MCM8: variants seen among roughly 807,000 people sequenced by gnomAD.
MCM8 encodes DNA helicase MCM8.
MCM8 carries 85 observed loss-of-function variants against 98.9 expected under a neutral mutation model. That is an observed-to-expected ratio of 0.86 (90% CI 0.72 to 1.03). MCM8 has a LOEUF of 1.03. Ranked by LOEUF, MCM8 falls within the 50% of genes least tolerant of loss-of-function variation. The pLI, the probability that MCM8 is intolerant of heterozygous loss-of-function variation, is 0.00. For synonymous variants in MCM8, 352 were observed against 338.6 expected, an observed-to-expected ratio of 1.04 and a Z score of -0.44; for missense variants, 951 against 997.8, an observed-to-expected ratio of 0.95 and a Z score of 0.63.
intron 8 of MCM8, among the ~76,000 whole-genome samples, chr20:5,966,892 T>A (rs1016105302): frequency 2.0e-5 from 3 of 152,182 alleles, no homozygotes; most frequent in Non-Finnish European, 2.9e-5. Context: ...AAGTACGCAT[T>A]CTTCCCCTAC....
At chr20:5,962,758 G>T (rs564583324) in intron 7 of MCM8, among the ~76,000 whole-genome samples, 1 of 152,278 alleles carries the variant, frequency 6.6e-6, no homozygotes, top group South Asian at 2.1e-4. Context: ...AATACAGTCT[G>T]CCACAGTCTG....
chr20:5,951,996 A>T lies in MCM8; in HGVS notation c.-5-15A>T. The T allele has an allele frequency of 6.3e-7, 1 of 1,597,110 alleles. No individual in the cohort carries two copies. Among genetic ancestry groups the T allele is most frequent in the Non-Finnish European group, 8.5e-7 (1 of 1,173,266 alleles). The stretch of plus-strand genomic sequence containing the variant: ...TACAGTTTTGGTGAAGACCTTTTTA[A>T]TATCTATCTTTTAGGAGAGATGAAT... On this transcript the variant is annotated splice_polypyrimidine_tract_variant and intron_variant, in intron 1 of 18. Coordinates refer to ENST00000610722, the MANE Select transcript of MCM8 (RefSeq NM_032485.6).
chr20:5,990,941 T>C (rs1396528553), intron 17 of MCM8: 1 of 152,268 alleles, frequency 6.6e-6, no homozygotes, highest in East Asian at 1.9e-4. Context: ...CTTTTTCCTT[T>C]TAATGATCTC....
intron 13 of MCM8, among the ~76,000 whole-genome samples, chr20:5,980,442 GAATA>G (rs1297962703): frequency 2.6e-5 from 4 of 151,846 alleles, no homozygotes; most frequent in African/African-American, 4.8e-5. Flanking sequence ...AATATTTGCT[GAATA>G]AATAAATACC....
At position 5,967,543 on chromosome 20, in the gene MCM8, C is replaced by T. The variant is rs1341242400; in HGVS notation, c.983C>T (p.Thr328Ile). The T allele has an allele frequency of 6.2e-7, 1 of 1,613,720 alleles. No homozygotes were observed. The highest frequency in any genetic ancestry group is 8.5e-7 in the Non-Finnish European group (1 of 1,179,826). ...DLVDSCVPGD[T>I]VTITGIVKVS... ...GTGGATAGCTGTGTCCCGGGAGACA[C>T]AGTGACTATTACTGGAATTGTCAAA... Residue 328 changes from threonine to isoleucine, a missense_variant, in exon 9 of 19, where the codon ACA becomes ATA. Transcript: ENST00000610722.
intron 12 of MCM8, among the ~76,000 whole-genome samples, chr20:5,973,429 A>T (rs542300289): frequency 6.6e-6 from 1 of 152,254 alleles, no homozygotes; most frequent in Non-Finnish European, 1.5e-5. Context: ...TGAGACATCA[A>T]CTATTAGGAA....
In MCM8 at chr20:5,994,328, A is replaced by T; in HGVS notation, c.2460A>T (p.Ser820=). ...CTGATTTTGAAAATTTTATTGGATC[A>T]CTAAATGACCAGGGTTACCTCTTGA... ...QVADFENFIG[S]LNDQGYLLKK... The change falls in exon 19 of 19, where the codon TCA becomes TCT. Residue 820 remains serine, a synonymous_variant. Coordinates refer to ENST00000610722, the MANE Select transcript of MCM8 (RefSeq NM_032485.6). The T allele has an allele frequency of 6.2e-7, 1 of 1,604,580 alleles. No homozygotes were observed. Among genetic ancestry groups the T allele is most frequent in the Admixed American group, 1.7e-5 (1 of 57,936 alleles).
Position 5,958,416 on chromosome 20 carries a change from A to T in MCM8, c.591-112A>T, listed in dbSNP as rs1035311775. 10 of 762,892 alleles carry T rather than the reference A, an allele frequency of 1.3e-5. No individual in the cohort carries two copies. In the African/African-American group the frequency reaches 1.6e-4, roughly 12 times the overall value. 47.3% of individuals were successfully genotyped at this position (762,892 alleles called of 1,614,324 possible). A position where few individuals can be genotyped will look rare whatever the true frequency, so the allele number is the denominator to read the frequency against. On this transcript the variant is annotated intron_variant, in intron 6 of 18. Coordinates refer to ENST00000610722, the MANE Select transcript of MCM8 (RefSeq NM_032485.6). The stretch of plus-strand genomic sequence containing the variant: ...TGGTTTAATTCTTGTGATATTTCTG[A>T]TATATCGAAGGGATGATTTGATTTG...
At chr20:5,963,178 T>C in intron 7 of MCM8, 96 bp from the exon 8 acceptor site, 1 of 951,284 alleles carries the variant, frequency 1.1e-6, no homozygotes, top group South Asian at 1.4e-5. Flanking sequence ...GACCAACTTT[T>C]AAAACAATAT....
chr20:5,972,764 GTAT>G, intron 11 of MCM8: 13 of 1,344,152 alleles, frequency 9.7e-6, no homozygotes, highest in Non-Finnish European at 1.2e-5. Context: ...GACACTGCCA[GTAT>G]TAAAGCAAAA....
chr20:5,954,643 C>G lies in MCM8; in HGVS notation c.289C>G (p.Gln97Glu), dbSNP rs749329953. 5.0e-6 allele frequency: 8 copies of G among 1,610,662 alleles called. No individual in the cohort carries two copies. The South Asian group carries it at 7.7e-5, about 16-fold the overall frequency. ...TAGCTCTCCTTTGATTGAGAAGATT[C>G]AAGCATTTGAAAAATTTTTCACAAG... ...SDSSPLIEKI[Q>E]AFEKFFTRHI... is the part of the protein sequence containing the mutation. The change falls in exon 4 of 19, where the codon CAA (glutamine) becomes GAA (glutamate). Residue 97 changes from glutamine to glutamate, a missense_variant. Physicochemically the swap from Gln to Glu is conservative, Grantham distance 29. Transcript: ENST00000610722.
At chr20:5,988,047 G>GT (rs2089767854) in intron 17 of MCM8, among the ~76,000 whole-genome samples, 1 of 152,180 alleles carries the variant, frequency 6.6e-6, no homozygotes, top group African/African-American at 2.4e-5. Flanking sequence ...GAGCATATAT[G>GT]TTTACCTTAG....
chr20:5,983,231 A>G (rs1482570977), intron 14 of MCM8, 66 bp downstream of exon 14: 2 of 1,347,088 alleles, frequency 1.5e-6, no homozygotes, highest in African/African-American at 1.5e-5. Context: ...AGAAAAAGAA[A>G]TAGTTCACAG....
chr20:5,988,461 C>CAA (rs112221879), intron 17 of MCM8, among the ~76,000 whole-genome samples: 17 of 139,122 alleles, frequency 1.2e-4, no homozygotes, highest in African/African-American at 4.2e-4. Flanking sequence ...GACTCTGTCT[C>CAA]AAAAAAAAAA....
chr20:5,989,758 C>T (rs566870862), intron 17 of MCM8, among the ~76,000 whole-genome samples: 4 of 152,158 alleles, frequency 2.6e-5, no homozygotes, highest in African/African-American at 7.2e-5. Flanking sequence ...AGAAGGGCAC[C>T]CATGTCACCT....
In MCM8 at chr20:5,969,879, A is replaced by C. The variant is rs543437001; in HGVS notation, c.1223+1854A>C. 7.9e-5 allele frequency among the ~76,000 whole-genome samples: 12 copies of C among 152,324 alleles called. No individual in the cohort carries two copies. The South Asian group carries it at 2.5e-3, about 32-fold the overall frequency. On this transcript the variant is annotated intron_variant, in intron 10 of 18. Coordinates refer to ENST00000610722, the MANE Select transcript of MCM8 (RefSeq NM_032485.6). Reference sequence around the variant, plus strand: ...AAGGAAGCAACCTGGTCGACAATCCAAACATCTTTGGTTCCTCTTAACAGT... The same window carrying C: ...AAGGAAGCAACCTGGTCGACAATCCCAACATCTTTGGTTCCTCTTAACAGT...
chr20:5,984,678 CAA>C, intron 14 of MCM8, 101 bp from the exon 15 acceptor site: 1 of 943,462 alleles, frequency 1.1e-6, no homozygotes, highest in East Asian at 2.5e-5. Context: ...CTTGGTTTTT[CAA>C]GTTCTGCGTG....
chr20:5,983,253 A>G (rs997482906), intron 14 of MCM8, 88 bp downstream of exon 14: 34 of 1,109,018 alleles, frequency 3.1e-5, no homozygotes, highest in Admixed American at 9.0e-5. Context: ...ACTACAGGGG[A>G]AAAACATGGA....
chr20:5,985,932 G>A lies in MCM8; in HGVS notation c.1964G>A (p.Gly655Glu), dbSNP rs141199258. 8.9e-5 allele frequency: 143 copies of A among 1,614,118 alleles called. No individual in the cohort carries two copies. The African/African-American group carries it at 1.8e-3, about 20-fold the overall frequency. Residue 655 changes from glycine to glutamate, a missense_variant, in exon 16 of 19, where the codon GGA becomes GAA. Physicochemically the swap from Gly to Glu is moderately conservative, Grantham distance 98. Transcript: ENST00000610722. ...TTAATCATGCTTCAGGTGGTTCCTG[G>A]AGAAACAATAGATCCCATTCCCCAC... ...PLSERLKVVP[G>E]ETIDPIPHQL...
Sources: gnomAD v4.1 joint callset for allele counts (sites outside exome capture counted in the v4.1 genomes callset) on GRCh38, gnomAD v4.1.1 for gene constraint, MANE v1.5 for transcripts, NCBI Gene and HGNC (gene_info 2026-07-23, HGNC 2026-07-21) for gene names.